Variants in CAMTA1 observed in about 807,000 individuals in gnomAD.
CAMTA1 encodes calmodulin-binding transcription activator 1.
In CAMTA1, 27 loss-of-function variants were observed where a neutral mutation model predicts 170.9. That is an observed-to-expected ratio of 0.16 (90% CI 0.12 to 0.22). The LOEUF (loss-of-function observed/expected upper bound fraction) is 0.22, where lower values mean the gene tolerates loss of function less well. Ranked by LOEUF, CAMTA1 falls within the 10% of genes least tolerant of loss-of-function variation. CAMTA1 has a pLI of 1.00. For synonymous variants in CAMTA1, 833 were observed against 891.5 expected (o/e 0.93, Z 1.17); for missense variants, 1,619 against 2,217.2 (o/e 0.73, Z 5.42).
intron 5 of CAMTA1, among the ~76,000 whole-genome samples, chr1:7,431,655 G>A (rs989273461): frequency 8.5e-5 from 13 of 152,238 alleles, no homozygotes; most frequent in South Asian, 2.1e-4. Flanking sequence ...TCCTCCTGCC[G>A]TGGCGCCGCT....
intron 1 of CAMTA1, among the ~76,000 whole-genome samples, chr1:6,791,626 A>G (rs1557550551): frequency 2.0e-5 from 3 of 152,190 alleles, no homozygotes; most frequent in Non-Finnish European, 1.5e-5. Flanking sequence ...TGCCTGTTAT[A>G]TATAGTACTG....
At chr1:7,247,972 A>T (rs779631858) in intron 4 of CAMTA1, among the ~76,000 whole-genome samples, 23 of 152,198 alleles carry the variant, frequency 1.5e-4, no homozygotes, top group Non-Finnish European at 2.6e-4. Flanking sequence ...TTAGGGAGGA[A>T]ACCAACACTG....
chr1:7,764,547 T>C (rs1247485011), intron 22 of CAMTA1, among the ~76,000 whole-genome samples: 1 of 152,238 alleles, frequency 6.6e-6, no homozygotes, highest in African/African-American at 2.4e-5. Flanking sequence ...TAAATATAAA[T>C]GTTTTCTTAA....
intron 3 of CAMTA1, among the ~76,000 whole-genome samples, chr1:6,888,866 G>C (rs973110997): frequency 6.6e-6 from 1 of 151,700 alleles, no homozygotes; most frequent in African/African-American, 2.4e-5. Flanking sequence ...AAACCAAGGA[G>C]ACAGTATCCT....
chr1:6,935,435 A>C (rs921066329), intron 3 of CAMTA1, among the ~76,000 whole-genome samples: 1 of 152,150 alleles, frequency 6.6e-6, no homozygotes. Flanking sequence ...TTATCATTCC[A>C]TGCCACATCT....
chr1:6,800,521 G>T (rs1002476448), intron 1 of CAMTA1, among the ~76,000 whole-genome samples: 1 of 152,126 alleles, frequency 6.6e-6, no homozygotes, highest in African/African-American at 2.4e-5. Flanking sequence ...ATAGATGAGG[G>T]TTCATAGTTT....
chr1:7,560,420 C>T (rs2094940941), intron 6 of CAMTA1, among the ~76,000 whole-genome samples: 1 of 152,226 alleles, frequency 6.6e-6, no homozygotes, highest in African/African-American at 2.4e-5. Context: ...GGGCTGGGAG[C>T]TGGAGCCGGG....
chr1:7,749,668 C>CTTTT, intron 19 of CAMTA1: 10 of 330,472 alleles, frequency 3.0e-5, no homozygotes, highest in South Asian at 7.1e-5. Context: ...GCCAGGTTGC[C>CTTTT]TTTTTTTTTT....
chr1:7,735,994 C>G (rs921658502), intron 12 of CAMTA1, among the ~76,000 whole-genome samples: 1 of 151,902 alleles, frequency 6.6e-6, no homozygotes, highest in African/African-American at 2.4e-5. Context: ...AGGCTGGTCT[C>G]GAACTCCTGA....
intron 7 of CAMTA1, among the ~76,000 whole-genome samples, chr1:7,646,715 G>A (rs1381550304): frequency 1.3e-5 from 2 of 151,084 alleles, no homozygotes; most frequent in Non-Finnish European, 3.0e-5. Context: ...GAGTTGGGTA[G>A]AGGCCATGGT....
intron 5 of CAMTA1, among the ~76,000 whole-genome samples, chr1:7,339,331 G>A (rs984169302): frequency 6.6e-6 from 1 of 152,126 alleles, no homozygotes; most frequent in African/African-American, 2.4e-5. Context: ...ACAAAGCTAG[G>A]TGAGTGTGGA....
chr1:7,528,645 G>A (rs2094456797), intron 6 of CAMTA1, among the ~76,000 whole-genome samples: 1 of 152,072 alleles, frequency 6.6e-6, no homozygotes, highest in Non-Finnish European at 1.5e-5. Context: ...AAAGATGGTG[G>A]CGTGCCCTAT....
chr1:7,075,604 C>T (rs1369371056), intron 3 of CAMTA1, among the ~76,000 whole-genome samples: 2 of 152,006 alleles, frequency 1.3e-5, no homozygotes, highest in Admixed American at 6.6e-5. Context: ...CTGACTTCTC[C>T]AGCCTGTGTT....
At chr1:7,645,618 G>C (rs921188690) in intron 7 of CAMTA1, among the ~76,000 whole-genome samples, 2 of 152,236 alleles carry the variant, frequency 1.3e-5, no homozygotes, top group Admixed American at 1.3e-4. Flanking sequence ...TGCAGGCTTC[G>C]AAGGCCCGGA....
chr1:7,083,451 G>A (rs893945327), intron 3 of CAMTA1, among the ~76,000 whole-genome samples: 3 of 152,220 alleles, frequency 2.0e-5, no homozygotes, highest in African/African-American at 4.8e-5. Context: ...TGGGGGGTCC[G>A]GGATATCCTG....
At chr1:7,668,388 A>AACAC (rs779206499) in intron 9 of CAMTA1, among the ~76,000 whole-genome samples, 4,895 of 101,136 alleles carry the variant, frequency 0.048, 137 homozygotes, top group East Asian at 0.16. Context: ...GCTGGTCACC[A>AACAC]ACACACACAC....
chr1:7,164,458 G>A (rs751792742), intron 4 of CAMTA1, among the ~76,000 whole-genome samples: 24 of 152,212 alleles, frequency 1.6e-4, no homozygotes, highest in Non-Finnish European at 2.6e-4. Context: ...GGATGCCAGC[G>A]TGGCCCGTGT....
At position 7,513,947 on chromosome 1, in the gene CAMTA1, A is replaced by G. The variant is rs537824852; in HGVS notation, c.510+46046A>G. Among the ~76,000 whole-genome samples, 1,377 of 151,816 alleles carry G rather than the reference A, an allele frequency of 9.1e-3. 20 individuals are homozygous for G. Among genetic ancestry groups the G allele is most frequent in the African/African-American group, 0.031 (1,304 of 41,432 alleles). Reference sequence around the variant, plus strand: ...CAAAAACACATACACACACACACACATACACACACACACACATACACACAC... The same window carrying G: ...CAAAAACACATACACACACACACACGTACACACACACACACATACACACAC... On this transcript the variant is annotated intron_variant, in intron 6 of 22. Coordinates refer to ENST00000303635, the MANE Select transcript of CAMTA1 (RefSeq NM_015215.4).
chr1:7,352,917 G>A (rs1298993294), intron 5 of CAMTA1, among the ~76,000 whole-genome samples: 2 of 152,224 alleles, frequency 1.3e-5, no homozygotes, highest in East Asian at 1.9e-4. Context: ...CAGAGGGACA[G>A]GCCTACGGTG....
Sources: allele counts gnomAD v4.1 joint callset (sites outside exome capture counted in the v4.1 genomes callset), GRCh38; gene constraint gnomAD v4.1.1; transcripts MANE v1.5; gene names NCBI Gene and HGNC (gene_info 2026-07-23, HGNC 2026-07-21).